DIPK1A: variants seen among roughly 807,000 people sequenced by gnomAD.
DIPK1A encodes divergent protein kinase domain 1A.
DIPK1A carries 27 observed loss-of-function variants against 40.8 expected under a neutral mutation model. That is an observed-to-expected ratio of 0.66 (90% CI 0.49 to 0.91). The LOEUF (loss-of-function observed/expected upper bound fraction) is 0.91, where lower values mean the gene tolerates loss of function less well. Ranked by LOEUF, DIPK1A falls within the 40% of genes least tolerant of loss-of-function variation. DIPK1A has a pLI of 0.00. For synonymous variants in DIPK1A, 166 were observed against 171.3 expected, an observed-to-expected ratio of 0.97 and a Z score of 0.24; for missense variants, 412 against 505.7, an observed-to-expected ratio of 0.81 and a Z score of 1.78.
At chr1:92,851,491 C>T (rs1032018580) in intron 2 of DIPK1A, among the ~76,000 whole-genome samples, 6 of 128,484 alleles carry the variant, frequency 4.7e-5, no homozygotes, top group Non-Finnish European at 3.1e-5. Flanking sequence ...TGTGGTGAGC[C>T]GAGATCATGC....
At chr1:92,878,419 T>A (rs1037573737) in intron 1 of DIPK1A, among the ~76,000 whole-genome samples, 1 of 152,020 alleles carries the variant, frequency 6.6e-6, no homozygotes, top group African/African-American at 2.4e-5. Flanking sequence ...AGCCAGGAGC[T>A]CACGCCTGTA....
intron 4 of DIPK1A, chr1:92,833,267 A>T: frequency 1.2e-6 from 1 of 813,786 alleles, no homozygotes; most frequent in Non-Finnish European, 2.1e-6. Flanking sequence ...CTGGGATTCT[A>T]CAAGTGACAG....
chr1:92,863,714 A>G, intron 2 of DIPK1A, among the ~76,000 whole-genome samples: 1 of 152,178 alleles, frequency 6.6e-6, no homozygotes, highest in East Asian at 1.9e-4. Flanking sequence ...TATAAAGGGA[A>G]AAGGGCTATA....
At chr1:92,922,383 G>C (rs150488021) in intron 1 of DIPK1A, among the ~76,000 whole-genome samples, 1 of 148,116 alleles carries the variant, frequency 6.8e-6, no homozygotes, top group African/African-American at 2.5e-5. Context: ...TGAACTTCTG[G>C]ATCTTGTGGT....
At chr1:92,833,050 A>G (rs1686971911) in intron 4 of DIPK1A, 1 of 734,324 alleles carries the variant, frequency 1.4e-6, no homozygotes, top group Non-Finnish European at 2.5e-6. Flanking sequence ...AGAAACAAAT[A>G]TGGAAATTGA....
intron 1 of DIPK1A, among the ~76,000 whole-genome samples, chr1:92,911,236 C>A (rs1649813227): frequency 1.3e-5 from 2 of 152,096 alleles, no homozygotes; most frequent in Non-Finnish European, 2.9e-5. Context: ...GGGGCAGAGC[C>A]CTCATTAATT....
intron 1 of DIPK1A, among the ~76,000 whole-genome samples, chr1:92,944,263 A>G (rs1651280683): frequency 6.6e-6 from 1 of 152,170 alleles, no homozygotes; most frequent in Admixed American, 6.5e-5. Context: ...GAAGAGCTCT[A>G]GAAGGAAGAA....
intron 2 of DIPK1A, among the ~76,000 whole-genome samples, chr1:92,874,869 A>C (rs1480872824): frequency 6.6e-6 from 1 of 152,110 alleles, no homozygotes; most frequent in African/African-American, 2.4e-5. Flanking sequence ...TTATCTGTAC[A>C]CTATTATGCT....
intron 1 of DIPK1A, among the ~76,000 whole-genome samples, chr1:92,927,923 T>G (rs1399077937): frequency 6.6e-6 from 1 of 152,248 alleles, no homozygotes; most frequent in African/African-American, 2.4e-5. Context: ...TGAACATCCA[T>G]GTGTATGTTT....
chr1:92,924,309 CT>C (rs202179647), intron 1 of DIPK1A, among the ~76,000 whole-genome samples: 188 of 144,886 alleles, frequency 1.3e-3, no homozygotes, highest in Middle Eastern at 3.6e-3. Context: ...CCTTTTTAAT[CT>C]TTTTTTTTTT....
chr1:92,850,723 T>C lies in DIPK1A; in HGVS notation c.297+125A>G, dbSNP rs1462252307. 1.3e-5 allele frequency: 8 copies of C among 625,488 alleles called. No homozygotes were observed. The East Asian group carries it at 1.4e-4, about 11-fold the overall frequency. 38.7% of individuals were successfully genotyped at this position (625,488 alleles called of 1,614,324 possible). A position where few individuals can be genotyped will look rare whatever the true frequency, so the allele number is the denominator to read the frequency against. ...TCTGTTTAATGAATGAATCAAAGCATACAAAATTGAAATACATATAATGTC... is the reference window on the plus strand; with the variant it reads ...TCTGTTTAATGAATGAATCAAAGCACACAAAATTGAAATACATATAATGTC... On this transcript the variant is annotated intron_variant, in intron 3 of 4. Coordinates refer to ENST00000370310, the MANE Select transcript of DIPK1A (RefSeq NM_001006605.5).
At chr1:92,931,336 G>A (rs963334589) in intron 1 of DIPK1A, 10 of 230,760 alleles carry the variant, frequency 4.3e-5, no homozygotes, top group African/African-American at 1.6e-4. Context: ...AAGGCCTGGT[G>A]CCCACACCGT....
At chr1:92,870,482 T>C (rs945648685) in intron 2 of DIPK1A, among the ~76,000 whole-genome samples, 1 of 152,216 alleles carries the variant, frequency 6.6e-6, no homozygotes, top group Non-Finnish European at 1.5e-5. Context: ...CGCCTCAGCC[T>C]CCCAAAATGC....
intron 1 of DIPK1A, among the ~76,000 whole-genome samples, chr1:92,947,881 T>C (rs1651436058): frequency 6.6e-6 from 1 of 152,208 alleles, no homozygotes; most frequent in African/African-American, 2.4e-5. Context: ...GAATGGTGGT[T>C]ACCAGAGGTA....
At chr1:92,922,525 T>G (rs1212894996) in intron 1 of DIPK1A, among the ~76,000 whole-genome samples, 2 of 152,152 alleles carry the variant, frequency 1.3e-5, no homozygotes, top group Non-Finnish European at 2.9e-5. Flanking sequence ...ACGACACACA[T>G]TTCTGCAGAC....
chr1:92,878,737 G>A (rs954292040), intron 1 of DIPK1A, among the ~76,000 whole-genome samples: 15 of 152,000 alleles, frequency 9.9e-5, no homozygotes, highest in Admixed American at 5.2e-4. Flanking sequence ...GGAGAATAGC[G>A]TGAACCCCGG....
rs1687411808 is a variant in DIPK1A, at chr1:92,842,489, T to C, written c.*894A>G. The C allele has an allele frequency of 2.0e-6, 2 of 979,022 alleles. No homozygotes were observed. Among genetic ancestry groups the C allele is most frequent in the Non-Finnish European group, 2.4e-6 (2 of 824,100 alleles). 60.6% of individuals were successfully genotyped at this position (979,022 alleles called of 1,614,324 possible). ...CAAGTTTACATGGGGAAAAAAACATTAGATAAATAAATACATTTACATGCC... is the reference window on the plus strand; with the variant it reads ...CAAGTTTACATGGGGAAAAAAACATCAGATAAATAAATACATTTACATGCC... On this transcript the variant is annotated 3_prime_UTR_variant, in exon 5 of 5. Transcript: ENST00000370310.
intron 1 of DIPK1A, among the ~76,000 whole-genome samples, chr1:92,891,586 G>A (rs1648882418): frequency 1.3e-5 from 2 of 152,164 alleles, no homozygotes; most frequent in Admixed American, 1.3e-4. Flanking sequence ...CATGAGCGAT[G>A]CAGAACACAG....
At chr1:92,903,538 T>C (rs1160223141) in intron 1 of DIPK1A, among the ~76,000 whole-genome samples, 1 of 152,184 alleles carries the variant, frequency 6.6e-6, no homozygotes, top group African/African-American at 2.4e-5. Context: ...CTTAGACCTG[T>C]GAGGCACTGA....
Sources: allele counts gnomAD v4.1 joint callset (sites outside exome capture counted in the v4.1 genomes callset), GRCh38; gene constraint gnomAD v4.1.1; transcripts MANE v1.5; gene names NCBI Gene and HGNC (gene_info 2026-07-23, HGNC 2026-07-21).